Variants in OR6A2 observed in about 807,000 individuals in gnomAD.
OR6A2 encodes olfactory receptor family 6 subfamily A member 2.
In OR6A2, 6 loss-of-function variants were observed where a neutral mutation model predicts 7.1. The ratio of observed to expected loss-of-function variants is 0.85; its 90% confidence interval spans 0.46 to 1.68. The LOEUF is 1.68. OR6A2 is among the 40% of genes most tolerant of loss of function. The pLI, the probability that OR6A2 is intolerant of heterozygous loss-of-function variation, is 0.01. For missense variants in OR6A2, 431 were observed against 398.0 expected (o/e 1.08, Z -0.71); for synonymous variants, 162 against 152.1 (o/e 1.06, Z -0.48).
intron 1 of OR6A2, among the ~76,000 whole-genome samples, chr11:6,797,910 C>T (rs1847763281): frequency 6.6e-6 from 1 of 152,174 alleles, no homozygotes; most frequent in South Asian, 2.1e-4. Context: ...TCCTATTTAG[C>T]CTTCAAGTCT....
chr11:6,796,537 G>T (rs1464831086), intron 1 of OR6A2, among the ~76,000 whole-genome samples: 1 of 152,196 alleles, frequency 6.6e-6, no homozygotes, highest in African/African-American at 2.4e-5. Flanking sequence ...GAAGTCTGCA[G>T]AACCCAGTAC....
Position 6,794,969 on chromosome 11 carries a change from G to A in OR6A2, c.740C>T (p.Ala247Val). ...GATTATCACAACAGTGAGATGAGAG[G>A]CACAGGTGGAAAAGGCCTTATAGCG... ...AGRYKAFSTC[A>V]SHLTVVIIFY... Residue 247 changes from alanine to valine, a missense_variant, in exon 2 of 2, where the codon GCC (alanine) becomes GTC (valine). By Grantham distance (64) the Ala-to-Val change is moderately conservative. Transcript: ENST00000641196. The A allele has an allele frequency of 1.2e-6, 2 of 1,614,112 alleles. No individual in the cohort carries two copies. The highest frequency in any genetic ancestry group is 1.7e-6 in the Non-Finnish European group (2 of 1,180,000).
chr11:6,794,851 A>G lies in OR6A2; in HGVS notation c.858T>C (p.Ile286=). The change falls in exon 2 of 2, where the codon ATT becomes ATC. Residue 286 remains isoleucine, a synonymous_variant. Transcript: ENST00000641196. ...AAATGATGGGATTGAGCAATGGTAC[A>G]ATGACAGCATACAGTACAGAGACCA... ...NKLVSVLYAV[I]VPLLNPIIYC... is the part of the protein sequence containing the mutation. The G allele has an allele frequency of 6.2e-7, 1 of 1,614,170 alleles. No individual in the cohort carries two copies. Among genetic ancestry groups the G allele is most frequent in the Non-Finnish European group, 8.5e-7 (1 of 1,180,004 alleles).
intron 1 of OR6A2, among the ~76,000 whole-genome samples, chr11:6,798,703 G>A (rs1053552817): frequency 6.6e-6 from 1 of 152,132 alleles, no homozygotes; most frequent in African/African-American, 2.4e-5. Flanking sequence ...ACGTCATGAC[G>A]TTATATAACT....
chr11:6,799,296 T>C lies in OR6A2; in HGVS notation c.-177+248A>G, dbSNP rs192450050. Among the ~76,000 whole-genome samples the C allele has an allele frequency of 3.0e-3, 460 of 151,926 alleles. 3 individuals carry two copies. The highest frequency in any genetic ancestry group is 0.01 in the African/African-American group (431 of 41,436). On this transcript the variant is annotated intron_variant, in intron 1 of 1. Transcript: ENST00000641196. Reference sequence around the variant, plus strand: ...GAAAGGATAGACTGGAAATGGATGATCAAAAATACTGTAGGGAGAACAGGT... The same window carrying C: ...GAAAGGATAGACTGGAAATGGATGACCAAAAATACTGTAGGGAGAACAGGT...
At position 6,795,034 on chromosome 11, in the gene OR6A2, G is replaced by C; in HGVS notation, c.675C>G (p.Ala225=). 3.7e-6 allele frequency: 6 copies of C among 1,614,056 alleles called. No homozygotes were observed. The highest frequency in any genetic ancestry group is 5.1e-6 in the Non-Finnish European group (6 of 1,179,992). Residue 225 remains alanine (A), a synonymous_variant, in exon 2 of 2, where the codon GCC becomes GCG. Coordinates refer to ENST00000641196, the MANE Select transcript of OR6A2 (RefSeq NM_003696.3). ...PLSVTGASYV[A]ITGAVMHIPS... Reference sequence around the variant, plus strand: ...GAATGTGCATCACAGCACCAGTAATGGCCACATAGGAGGCCCCAGTGACAG... The same window carrying C: ...GAATGTGCATCACAGCACCAGTAATCGCCACATAGGAGGCCCCAGTGACAG...
rs762274396 is a variant in OR6A2, at chr11:6,795,664, C to A, written c.45G>T (p.Leu15Phe). Residue 15 changes from leucine to phenylalanine, a missense_variant, in exon 2 of 2, where the codon TTG (leucine) becomes TTT (phenylalanine). Leu to Phe is a conservative substitution (Grantham distance 22). Transcript: ENST00000641196. ...NHSGRVSEFV[L>F]LGFPAPAPLQ... The stretch of plus-strand genomic sequence containing the variant: ...GTGGCGCAGGAGCAGGGAAGCCCAG[C>A]AACACAAACTCACTCACTCTCCCAC... 1.2e-6 allele frequency: 2 copies of A among 1,614,046 alleles called. No homozygotes were observed. The highest frequency in any genetic ancestry group is 4.5e-5 in the East Asian group (2 of 44,878).
Position 6,793,707 on chromosome 11 carries a change from ATTTT to A in OR6A2, c.*1014_*1017del, listed in dbSNP as rs1469980676. On this transcript the variant is annotated 3_prime_UTR_variant, in exon 2 of 2. Coordinates refer to ENST00000641196, the MANE Select transcript of OR6A2 (RefSeq NM_003696.3). ...ATAATATTTTTATTAAGTTAGAAATATTTTTTCTTTCATTAACTCTATTTAGATC... is the reference window on the plus strand; with the variant it reads ...ATAATATTTTTATTAAGTTAGAAATATTCTTTCATTAACTCTATTTAGATC... 2 of 151,948 alleles carry A rather than the reference ATTTT, an allele frequency of 1.3e-5. No homozygotes were observed. Among genetic ancestry groups the A allele is most frequent in the African/African-American group, 4.8e-5 (2 of 41,364 alleles). 9.4% of individuals were successfully genotyped at this position (151,948 alleles called of 1,614,324 possible). A position where few individuals can be genotyped will look rare whatever the true frequency, so the allele number is the denominator to read the frequency against.
intron 1 of OR6A2, among the ~76,000 whole-genome samples, chr11:6,797,419 A>G (rs553931071): frequency 6.6e-6 from 1 of 152,296 alleles, no homozygotes; most frequent in African/African-American, 2.4e-5. Context: ...GGGAACATCA[A>G]ACCTACAATT....
In OR6A2 at chr11:6,795,587, G is replaced by T. The variant is rs142218013; in HGVS notation, c.122C>A (p.Thr41Asn). 2,387 of 1,614,060 alleles carry T rather than the reference G, an allele frequency of 1.5e-3. 4 individuals are homozygous for T. Among genetic ancestry groups the T allele is most frequent in the Non-Finnish European group, 1.7e-3 (2,017 of 1,179,982 alleles). Reference protein sequence around the residue: ...LLLLAYVLVLTENTLIIMAIR... With the variant: ...LLLLAYVLVLNENTLIIMAIR... ...TGCCATAATGATGAGTGTGTTCTCA[G>T]TCAGCACCAACACATAGGCCAGCAG... is the stretch of plus-strand genomic sequence containing the variant. Residue 41 changes from threonine (T) to asparagine (N), a missense_variant, in exon 2 of 2, where the codon ACT becomes AAT. Coordinates refer to ENST00000641196, the MANE Select transcript of OR6A2 (RefSeq NM_003696.3).
intron 1 of OR6A2, among the ~76,000 whole-genome samples, chr11:6,796,259 T>A (rs974791960): frequency 4.6e-5 from 7 of 152,200 alleles, no homozygotes; most frequent in African/African-American, 1.7e-4. Context: ...GTACTACTAA[T>A]AGCTACAACT....
chr11:6,794,492 A>G lies in OR6A2; in HGVS notation c.*233T>C. On this transcript the variant is annotated 3_prime_UTR_variant, in exon 2 of 2. Coordinates refer to ENST00000641196, the MANE Select transcript of OR6A2 (RefSeq NM_003696.3). ...TGCAAATTACAAAGGGACAGACAAT[A>G]GTGGACCCAGCTCTATCCTGTATTT... 3 of 519,446 alleles carry G rather than the reference A, an allele frequency of 5.8e-6. No homozygotes were observed. Among genetic ancestry groups the G allele is most frequent in the Non-Finnish European group, 6.8e-6 (2 of 295,668 alleles). The allele number at this position is 519,446 out of a possible 1,614,324, so 32.2% of individuals were successfully genotyped here.
chr11:6,794,491 T>C lies in OR6A2; in HGVS notation c.*234A>G. On this transcript the variant is annotated 3_prime_UTR_variant, in exon 2 of 2. Transcript: ENST00000641196. ...ATGCAAATTACAAAGGGACAGACAA[T>C]AGTGGACCCAGCTCTATCCTGTATT... The C allele has an allele frequency of 1.9e-6, 1 of 516,208 alleles. No individual in the cohort carries two copies. The highest frequency in any genetic ancestry group is 3.4e-6 in the Non-Finnish European group (1 of 293,532). The allele number at this position is 516,208 out of a possible 1,614,324, so 32.0% of individuals were successfully genotyped here. A position where few individuals can be genotyped will look rare whatever the true frequency, so the allele number is the denominator to read the frequency against.
chr11:6,798,523 TA>T (rs1847769576), intron 1 of OR6A2, among the ~76,000 whole-genome samples: 1 of 152,228 alleles, frequency 6.6e-6, no homozygotes, highest in Non-Finnish European at 1.5e-5. Flanking sequence ...CTCATCAATA[TA>T]ACTCCCACTT....
At chr11:6,796,080 G>A (rs1847746583) in intron 1 of OR6A2, among the ~76,000 whole-genome samples, 196 bp from the exon 2 acceptor site, 1 of 152,100 alleles carries the variant, frequency 6.6e-6, no homozygotes, top group African/African-American at 2.4e-5. Flanking sequence ...TTGTCTTTGA[G>A]TTGGATCATG....
chr11:6,796,767 A>C (rs1464011820), intron 1 of OR6A2, among the ~76,000 whole-genome samples: 2 of 152,188 alleles, frequency 1.3e-5, no homozygotes. Context: ...CTTTCCCTTT[A>C]AAAACTTCAA....
At position 6,794,520 on chromosome 11, in the gene OR6A2, T is replaced by C. The variant is rs894538077; in HGVS notation, c.*205A>G. 3.2e-6 allele frequency: 2 copies of C among 616,472 alleles called. No homozygotes were observed. The highest frequency in any genetic ancestry group is 5.5e-6 in the Non-Finnish European group (2 of 362,234). 38.2% of individuals were successfully genotyped at this position (616,472 alleles called of 1,614,324 possible). ...GGACCCAGCTCTATCCTGTATTTTATGGCCCTGTCCTGCAGAAATCCATTT... is the reference window on the plus strand; with the variant it reads ...GGACCCAGCTCTATCCTGTATTTTACGGCCCTGTCCTGCAGAAATCCATTT... On this transcript the variant is annotated 3_prime_UTR_variant, in exon 2 of 2. Coordinates refer to ENST00000641196, the MANE Select transcript of OR6A2 (RefSeq NM_003696.3).
At position 6,795,306 on chromosome 11, in the gene OR6A2, G is replaced by C. The variant is rs1309205187; in HGVS notation, c.403C>G (p.Leu135Val). 1 of 1,614,040 alleles carries C rather than the reference G, an allele frequency of 6.2e-7. No homozygotes were observed. Among genetic ancestry groups the C allele is most frequent in the Non-Finnish European group, 8.5e-7 (1 of 1,180,010 alleles). Residue 135 changes from leucine to valine, a missense_variant, in exon 2 of 2, where the codon CTC (leucine) becomes GTC (valine). Coordinates refer to ENST00000641196, the MANE Select transcript of OR6A2 (RefSeq NM_003696.3). Reference sequence around the variant, plus strand: ...CCACTGACAATGACTGGGTAGTGGAGAGGATAGCAGATGGCCATATAGCGA... The same window carrying C: ...CCACTGACAATGACTGGGTAGTGGACAGGATAGCAGATGGCCATATAGCGA... ...YDRYMAICYPLHYPVIVSGRL... is the reference protein window; with the variant it reads ...YDRYMAICYPVHYPVIVSGRL...
rs1402551048 is a variant in OR6A2, at chr11:6,795,810, G to A, written c.-102C>T. Reference sequence around the variant, plus strand: ...TTCTCTTAATGGGCTTATATTGGTCGAATACCACGTAAGGAGTTCATGTAA... The same window carrying A: ...TTCTCTTAATGGGCTTATATTGGTCAAATACCACGTAAGGAGTTCATGTAA... On this transcript the variant is annotated 5_prime_UTR_variant, in exon 2 of 2. It introduces an in-frame stop codon into an upstream open reading frame of the 5' UTR. Transcript: ENST00000641196. 1.5e-5 allele frequency: 15 copies of A among 1,023,984 alleles called. No individual in the cohort carries two copies. Among genetic ancestry groups the A allele is most frequent in the East Asian group, 4.9e-5 (2 of 41,206 alleles). 63.4% of individuals were successfully genotyped at this position (1,023,984 alleles called of 1,614,324 possible).
Sources: allele counts gnomAD v4.1 joint callset (sites outside exome capture counted in the v4.1 genomes callset), GRCh38; gene constraint gnomAD v4.1.1; transcripts MANE v1.5; gene names NCBI Gene and HGNC (gene_info 2026-07-23, HGNC 2026-07-21).